Variants in MCTP1 observed in about 807,000 individuals in gnomAD.
MCTP1 encodes multiple C2 and transmembrane domain containing 1, also known as multiple C2 and transmembrane domain-containing protein 1.
Under a neutral mutation model 120.6 loss-of-function variants are expected in MCTP1, and 69 were observed. The ratio of observed to expected loss-of-function variants is 0.57; its 90% CI spans 0.47 to 0.70. MCTP1 has a LOEUF of 0.70. MCTP1 is among the 30% of genes least tolerant of loss of function. The pLI, the probability that MCTP1 is intolerant of heterozygous loss-of-function variation, is 0.00. For missense variants in MCTP1, 1,203 were observed against 1,248.8 expected (o/e 0.96, Z 0.55); for synonymous variants, 529 against 493.1 (o/e 1.07, Z -0.96).
chr5:94,855,467 C>T (rs1338963796), intron 17 of MCTP1, among the ~76,000 whole-genome samples: 2 of 151,746 alleles, frequency 1.3e-5, no homozygotes, highest in Non-Finnish European at 2.9e-5. Flanking sequence ...CATTTGACCC[C>T]CCAACTGGCA....
chr5:94,763,865 T>C (rs948468528), intron 19 of MCTP1, among the ~76,000 whole-genome samples: 15 of 152,350 alleles, frequency 9.8e-5, no homozygotes, highest in African/African-American at 3.4e-4. Flanking sequence ...ACAAAATTCA[T>C]GTTTTATGTC....
intron 18 of MCTP1, among the ~76,000 whole-genome samples, chr5:94,782,521 C>G (rs183043558): frequency 6.6e-6 from 1 of 152,234 alleles, no homozygotes; most frequent in Non-Finnish European, 1.5e-5. Flanking sequence ...AAACTGCAAA[C>G]TGAGCTTTTA....
intron 17 of MCTP1, among the ~76,000 whole-genome samples, chr5:94,858,981 C>T (rs893443835): frequency 1.3e-5 from 2 of 151,664 alleles, no homozygotes; most frequent in Non-Finnish European, 1.5e-5. Flanking sequence ...CTATGACATT[C>T]CCACTGTGGA....
chr5:94,751,715 C>T (rs774654947), intron 19 of MCTP1, among the ~76,000 whole-genome samples: 1 of 152,112 alleles, frequency 6.6e-6, no homozygotes, highest in African/African-American at 2.4e-5. Context: ...TGTTGAATGG[C>T]ATGTGTCCTT....
intron 1 of MCTP1, among the ~76,000 whole-genome samples, chr5:95,045,318 C>T (rs560082802): frequency 6.6e-6 from 1 of 152,236 alleles, no homozygotes; most frequent in African/African-American, 2.4e-5. Context: ...CCTGCTGTTT[C>T]CTTATCACAG....
At position 95,065,507 on chromosome 5, in the gene MCTP1, A is replaced by G. The variant is rs1304696412; in HGVS notation, c.721-48023T>C. ...CATCAATTAGTAGATTAAAGGCAAA[A>G]TTTATATGATTATCTGAAAAGATAT... On this transcript the variant is annotated intron_variant, in intron 1 of 22. Coordinates refer to ENST00000515393, the MANE Select transcript of MCTP1 (RefSeq NM_024717.7). 2.0e-5 allele frequency among the ~76,000 whole-genome samples: 3 copies of G among 152,274 alleles called. No homozygotes were observed. In the East Asian group the frequency reaches 5.8e-4, roughly 29 times the overall value.
intron 1 of MCTP1, among the ~76,000 whole-genome samples, chr5:95,138,169 T>C (rs1759587726): frequency 6.6e-6 from 1 of 152,130 alleles, no homozygotes; most frequent in Admixed American, 6.6e-5. Context: ...CTGTGCTATG[T>C]CTGCTACTGA....
intron 19 of MCTP1, among the ~76,000 whole-genome samples, chr5:94,736,971 T>G (rs1217935337): frequency 6.6e-6 from 1 of 152,104 alleles, no homozygotes; most frequent in Non-Finnish European, 1.5e-5. Flanking sequence ...GACTTCATGA[T>G]GCTTATAGTC....
intron 1 of MCTP1, among the ~76,000 whole-genome samples, chr5:95,096,157 T>A (rs1157191611): frequency 6.6e-6 from 1 of 152,220 alleles, no homozygotes; most frequent in African/African-American, 2.4e-5. Flanking sequence ...ATTCCACCTG[T>A]GCCACATAAG....
chr5:95,032,402 G>A (rs1420451116), intron 1 of MCTP1, among the ~76,000 whole-genome samples: 2 of 152,068 alleles, frequency 1.3e-5, no homozygotes, highest in Admixed American at 1.3e-4. Flanking sequence ...TGGGACCACA[G>A]TGGAATTAAA....
rs376544496 is a variant in MCTP1, at chr5:95,126,917, GAAACCAC to G, written c.721-109440_721-109434del. ...ATTTTCCCTACTTTAGAAATCAACG[GAAACCAC>G]AAATTTTAAAATAACCACATTTTAT... On this transcript the variant is annotated intron_variant, in intron 1 of 22. Coordinates refer to ENST00000515393, the MANE Select transcript of MCTP1 (RefSeq NM_024717.7). Among the ~76,000 whole-genome samples, 42 of 152,100 alleles carry G rather than the reference GAAACCAC, an allele frequency of 2.8e-4. No individual in the cohort carries two copies. In the East Asian group the frequency reaches 7.5e-3, roughly 27 times the overall value.
intron 2 of MCTP1, among the ~76,000 whole-genome samples, chr5:94,971,741 A>G (rs996413421): frequency 2.0e-5 from 3 of 152,194 alleles, no homozygotes; most frequent in African/African-American, 7.2e-5. Context: ...CAAAATCACC[A>G]CACAGAGAGC....
intron 1 of MCTP1, among the ~76,000 whole-genome samples, chr5:95,043,685 T>G (rs1370264171): frequency 6.6e-6 from 1 of 152,224 alleles, no homozygotes; most frequent in African/African-American, 2.4e-5. Flanking sequence ...CTAGTGAGAC[T>G]GTCTTTCCTG....
chr5:95,178,864 A>G (rs1748304451), intron 1 of MCTP1, among the ~76,000 whole-genome samples: 1 of 152,224 alleles, frequency 6.6e-6, no homozygotes, highest in Non-Finnish European at 1.5e-5. Flanking sequence ...CAGAAGGCCC[A>G]TTATTAAGCT....
intron 2 of MCTP1, chr5:94,976,877 T>C (rs1267016006): frequency 4.6e-5 from 7 of 152,110 alleles, no homozygotes; most frequent in African/African-American, 1.7e-4. Context: ...AATATCATAC[T>C]CAATGGTGAG....
intron 2 of MCTP1, among the ~76,000 whole-genome samples, chr5:94,977,144 T>C (rs183460802): frequency 3.9e-5 from 6 of 152,028 alleles, no homozygotes; most frequent in Admixed American, 3.9e-4. Flanking sequence ...AAAATCAACA[T>C]ACAAAATCAA....
intron 2 of MCTP1, among the ~76,000 whole-genome samples, chr5:95,004,468 G>C (rs543480630): frequency 6.6e-6 from 1 of 152,182 alleles, no homozygotes; most frequent in Non-Finnish European, 1.5e-5. Flanking sequence ...CATTTCAGAC[G>C]TCTTTGTGGC....
intron 1 of MCTP1, among the ~76,000 whole-genome samples, chr5:95,113,738 C>T (rs1757621337): frequency 6.6e-6 from 1 of 152,096 alleles, no homozygotes; most frequent in Non-Finnish European, 1.5e-5. Context: ...CTAATTGAGT[C>T]CTAGTGCTGA....
At chr5:95,102,784 T>TAAGA (rs1756838038) in intron 1 of MCTP1, among the ~76,000 whole-genome samples, 1 of 152,180 alleles carries the variant, frequency 6.6e-6, no homozygotes, top group South Asian at 2.1e-4. Context: ...GGTGATACAT[T>TAAGA]AGCTAAGACT....
Sources: gnomAD v4.1 joint callset for allele counts (sites outside exome capture counted in the v4.1 genomes callset) on GRCh38, gnomAD v4.1.1 for gene constraint, MANE v1.5 for transcripts, NCBI Gene and HGNC (gene_info 2026-07-23, HGNC 2026-07-21) for gene names.